The following LRRC1 variants were observed in gnomAD, a reference collection of about 807,000 sequenced individuals.
The protein encoded by LRRC1 is leucine rich repeat containing 1.
A neutral mutation model predicts 69.9 loss-of-function variants in LRRC1; 28 were observed. The observed-to-expected ratio is 0.40, with a 90% CI of 0.30 to 0.55. LRRC1 has a LOEUF of 0.55. LRRC1 is among the 20% of genes least tolerant of loss of function. The pLI is 0.47. For synonymous variants in LRRC1, 236 were observed against 240.2 expected (o/e 0.98, Z 0.16); for missense variants, 498 against 609.0 (o/e 0.82, Z 1.92).
intron 2 of LRRC1, among the ~76,000 whole-genome samples, chr6:53,871,379 T>C (rs1190532038): frequency 6.6e-6 from 1 of 152,172 alleles, no homozygotes; most frequent in Non-Finnish European, 1.5e-5. Context: ...GCATTTCCCT[T>C]GTGATTGGTA....
rs574537929 is a variant in LRRC1, at chr6:53,866,876, A to G, written c.278-12117A>G. Among the ~76,000 whole-genome samples the G allele has an allele frequency of 5.3e-5, 8 of 152,236 alleles. No individual in the cohort carries two copies. In the East Asian group the frequency reaches 1.5e-3, roughly 29 times the overall value. ...TTAATCTGAAGAATTAGGTAAAGAAAAAATTTAAATCTACCCTAAGTCAGA... is the reference window on the plus strand; with the variant it reads ...TTAATCTGAAGAATTAGGTAAAGAAGAAATTTAAATCTACCCTAAGTCAGA... On this transcript the variant is annotated intron_variant, in intron 2 of 13. Coordinates refer to ENST00000370888, the MANE Select transcript of LRRC1 (RefSeq NM_018214.5).
At chr6:53,920,535 A>T (rs931067282) in intron 12 of LRRC1, 90 bp from the exon 13 acceptor site, 10 of 1,479,246 alleles carry the variant, frequency 6.8e-6, no homozygotes, top group Non-Finnish European at 9.4e-6. Context: ...GGTCCTCCGT[A>T]TAGATTCTAC....
At chr6:53,815,755 C>A (rs561168195) in intron 1 of LRRC1, among the ~76,000 whole-genome samples, 9 of 152,316 alleles carry the variant, frequency 5.9e-5, no homozygotes, top group Non-Finnish European at 1.0e-4. Context: ...GTTCACTGTA[C>A]ACAGATAGTC....
chr6:53,835,931 C>G lies in LRRC1; in HGVS notation c.160-6179C>G, dbSNP rs549339400. Among the ~76,000 whole-genome samples, 7 of 152,290 alleles carry G rather than the reference C, an allele frequency of 4.6e-5. No individual in the cohort carries two copies. In the East Asian group the frequency reaches 1.2e-3, roughly 25 times the overall value. ...TATAAATGAAGATGATTTCTCTACT[C>G]CCTTAAATATGGGCCGACTTTGTGA... On this transcript the variant is annotated intron_variant, in intron 1 of 13. Coordinates refer to ENST00000370888, the MANE Select transcript of LRRC1 (RefSeq NM_018214.5).
chr6:53,860,087 G>A (rs1000463193), intron 2 of LRRC1, among the ~76,000 whole-genome samples: 5 of 152,186 alleles, frequency 3.3e-5, no homozygotes, highest in African/African-American at 9.6e-5. Flanking sequence ...AATTGATCCA[G>A]TATCCCACAG....
At chr6:53,919,780 C>A in intron 12 of LRRC1, 110 bp downstream of exon 12, 1 of 980,420 alleles carries the variant, frequency 1.0e-6, no homozygotes, top group Non-Finnish European at 1.5e-6. Context: ...ATCCAGTCTG[C>A]ACCTAGAGCC....
chr6:53,868,589 C>A (rs543390177), intron 2 of LRRC1, among the ~76,000 whole-genome samples: 1 of 152,202 alleles, frequency 6.6e-6, no homozygotes, highest in South Asian at 2.1e-4. Context: ...CTCTTTTGAT[C>A]CCCTCACGTA....
rs747281674 is a variant in LRRC1 at position 53,795,412 on chromosome 6, C to T, written c.156C>T (p.Pro52=). ...LLDANQLREL[P]EQFFQLVKLR... Reference sequence around the variant, plus strand: ...ACGCCAACCAGCTCCGCGAGCTGCCCGAGGTAAGGGTCCGGCCTCACCTGA... The same window carrying T: ...ACGCCAACCAGCTCCGCGAGCTGCCTGAGGTAAGGGTCCGGCCTCACCTGA... Residue 52 remains proline, a synonymous_variant, in exon 1 of 14, where the codon CCC becomes CCT. Transcript: ENST00000370888. 6.2e-7 allele frequency: 1 copy of T among 1,610,936 alleles called. No homozygotes were observed. Among genetic ancestry groups the T allele is most frequent in the African/African-American group, 1.3e-5 (1 of 75,032 alleles).
chr6:53,853,364 A>G (rs1474399064), intron 2 of LRRC1, among the ~76,000 whole-genome samples: 1 of 146,902 alleles, frequency 6.8e-6, no homozygotes, highest in Admixed American at 6.9e-5. Context: ...GGCTCACTGC[A>G]ACCTCTGCCT....
Position 53,923,702 on chromosome 6 carries a change from A to G in LRRC1, c.*909A>G, listed in dbSNP as rs999304360. The G allele has an allele frequency of 3.3e-5, 5 of 152,664 alleles. No homozygotes were observed. Among genetic ancestry groups the G allele is most frequent in the African/African-American group, 1.2e-4 (5 of 41,456 alleles). 9.5% of individuals were successfully genotyped at this position (152,664 alleles called of 1,614,324 possible). On this transcript the variant is annotated 3_prime_UTR_variant, in exon 14 of 14. Transcript: ENST00000370888. ...TCTGATGGTATGTGCCATTTGTAAA[A>G]TAAAATAGAGCAGAAAAACACAAAA...
At chr6:53,914,358 A>G (rs1230946469) in intron 11 of LRRC1, among the ~76,000 whole-genome samples, 3 of 152,140 alleles carry the variant, frequency 2.0e-5, no homozygotes, top group Non-Finnish European at 4.4e-5. Context: ...AGTGAGTGCA[A>G]ATGAGTTTGA....
chr6:53,830,851 T>A (rs1765406366), intron 1 of LRRC1, among the ~76,000 whole-genome samples: 1 of 151,362 alleles, frequency 6.6e-6, no homozygotes, highest in African/African-American at 2.4e-5. Flanking sequence ...ATTATTGCAA[T>A]TAAAATTGTG....
intron 2 of LRRC1, among the ~76,000 whole-genome samples, chr6:53,869,994 G>A (rs9370239): frequency 0.82 from 124,594 of 152,164 alleles, 51,324 homozygotes; most frequent in East Asian, 0.96. Context: ...TCAAGCTAAG[G>A]ACATGGATGT....
intron 1 of LRRC1, among the ~76,000 whole-genome samples, chr6:53,816,432 ATC>A: frequency 6.6e-6 from 1 of 151,838 alleles, no homozygotes; most frequent in African/African-American, 2.4e-5. Flanking sequence ...AGCCCTTGGT[ATC>A]TCTGTCAAAA....
At chr6:53,888,685 C>G (rs529160455) in intron 4 of LRRC1, among the ~76,000 whole-genome samples, 1 of 152,126 alleles carries the variant, frequency 6.6e-6, no homozygotes, top group Non-Finnish European at 1.5e-5. Flanking sequence ...AGTTATACTC[C>G]TACCTCATGC....
intron 2 of LRRC1, among the ~76,000 whole-genome samples, chr6:53,846,182 A>G (rs1045294155): frequency 6.6e-6 from 1 of 152,210 alleles, no homozygotes; most frequent in African/African-American, 2.4e-5. Flanking sequence ...AAGACCTTCA[A>G]ACACTGACTT....
At chr6:53,904,032 G>T (rs565951034) in intron 9 of LRRC1, among the ~76,000 whole-genome samples, 3 of 152,220 alleles carry the variant, frequency 2.0e-5, no homozygotes, top group Non-Finnish European at 4.4e-5. Flanking sequence ...CACTGTCCCA[G>T]TGTGGTCCTT....
At chr6:53,902,401 A>G (rs1768088404) in intron 8 of LRRC1, among the ~76,000 whole-genome samples, 1 of 152,152 alleles carries the variant, frequency 6.6e-6, no homozygotes, top group African/African-American at 2.4e-5. Context: ...GCTTTTTAAA[A>G]TGTTTTGTTT....
chr6:53,893,872 G>A (rs890376233), intron 4 of LRRC1, among the ~76,000 whole-genome samples: 2 of 152,206 alleles, frequency 1.3e-5, no homozygotes, highest in South Asian at 2.1e-4. Context: ...TGATGGGGGT[G>A]GGAACTAGGG....
Sources: allele counts gnomAD v4.1 joint callset (sites outside exome capture counted in the v4.1 genomes callset), GRCh38; gene constraint gnomAD v4.1.1; transcripts MANE v1.5; gene names NCBI Gene and HGNC (gene_info 2026-07-23, HGNC 2026-07-21).